Variants in ERG observed in about 807,000 individuals in gnomAD.
ERG encodes the protein transcriptional regulator ERG.
In ERG, 9 loss-of-function variants were observed where a neutral mutation model predicts 55.3. The ratio of observed to expected loss-of-function variants is 0.16; its 90% confidence interval spans 0.10 to 0.28. The LOEUF is 0.28. Among genes scored for constraint, ERG ranks in the 10% least tolerant of loss-of-function variants. The pLI, the probability that ERG is intolerant of heterozygous loss-of-function variation, is 1.00. For missense variants in ERG, 434 were observed against 631.6 expected (o/e 0.69, Z 3.35); for synonymous variants, 223 against 237.3 (o/e 0.94, Z 0.55).
At chr21:38,600,104 CA>C (rs1325405777) in intron 1 of ERG, among the ~76,000 whole-genome samples, 4 of 152,172 alleles carry the variant, frequency 2.6e-5, no homozygotes, top group African/African-American at 9.7e-5. Context: ...CAAGAGCGAG[CA>C]TATCAGATAG....
intron 1 of ERG, among the ~76,000 whole-genome samples, chr21:38,581,988 A>G (rs1446925968): frequency 6.9e-6 from 1 of 145,546 alleles, no homozygotes; most frequent in Non-Finnish European, 1.5e-5. Context: ...GGTTGCAGTG[A>G]GCCGAGATCG....
At chr21:38,484,496 T>C (rs1177284070) in intron 1 of ERG, among the ~76,000 whole-genome samples, 3 of 152,206 alleles carry the variant, frequency 2.0e-5, no homozygotes, top group African/African-American at 7.2e-5. Context: ...ATGAACGTCC[T>C]TCATTTCTCC....
At chr21:38,468,996 AAAAAAG>A (rs1208702022) in intron 1 of ERG, among the ~76,000 whole-genome samples, 19 of 69,256 alleles carry the variant, frequency 2.7e-4, no homozygotes, top group Non-Finnish European at 6.3e-4. Context: ...AAAAAAAAAA[AAAAAAG>A]AAAAAAAAAA....
intron 2 of ERG, among the ~76,000 whole-genome samples, chr21:38,429,715 A>G (rs964504208): frequency 3.0e-5 from 4 of 131,236 alleles, no homozygotes; most frequent in African/African-American, 1.3e-4. Flanking sequence ...GTGTGTGCAT[A>G]TATGTCTATA....
intron 1 of ERG, among the ~76,000 whole-genome samples, chr21:38,631,675 C>T (rs563110196): frequency 2.6e-5 from 4 of 152,076 alleles, no homozygotes; most frequent in Non-Finnish European, 2.9e-5. Context: ...ATTTCCGTAC[C>T]GTTTTCACCC....
intron 2 of ERG, among the ~76,000 whole-genome samples, chr21:38,428,072 C>T (rs1989918513): frequency 6.6e-6 from 1 of 151,392 alleles, no homozygotes; most frequent in Admixed American, 6.6e-5. Flanking sequence ...CCCAGCTACT[C>T]AGGAGGCTCA....
the ERG span, chr21:38,367,792 A>G: frequency 5.0e-6 from 2 of 399,446 alleles, no homozygotes; most frequent in African/African-American, 4.2e-5. Context: ...GAGGAAGCAA[A>G]CCTTCTGTGG....
Position 38,429,442 on chromosome 21 carries a change from C to T in ERG, c.237-5881G>A, listed in dbSNP as rs1406342252. Among the ~76,000 whole-genome samples, 2 of 60,106 alleles carry T rather than the reference C, an allele frequency of 3.3e-5. 1 individual carries two copies. The highest frequency in any genetic ancestry group is 8.8e-5 in the African/African-American group (2 of 22,836). 39.4% of individuals were successfully genotyped at this position (60,106 alleles called of 152,430 possible). On this transcript the variant is annotated intron_variant, in intron 2 of 9. Transcript: ENST00000288319. ...ATAAACATGTGTGTATACATGTATA[C>T]ACGTGTACACATGTACATATACACA...
At chr21:38,658,117 G>C (rs550842084) in intron 1 of ERG, among the ~76,000 whole-genome samples, 3 of 152,268 alleles carry the variant, frequency 2.0e-5, no homozygotes, top group Admixed American at 2.0e-4. Context: ...TTACACACTG[G>C]GGAAGGAAAA....
chr21:38,588,727 T>C (rs117814309), upstream of ERG, among the ~76,000 whole-genome samples: 2,201 of 152,226 alleles, frequency 0.014, 24 homozygotes, highest in Middle Eastern at 0.034. Context: ...TCTGTTTTTG[T>C]CTTTGTTTTG....
At position 38,382,311 on chromosome 21, in the gene ERG, G is replaced by T. The variant is rs1017548769; in HGVS notation, c.*1092C>A. Reference sequence around the variant, plus strand: ...GCGACTCAAAGGAAAACTGGAGGCCGCCTACCCAAAATGCCTGCGTGATTT... The same window carrying T: ...GCGACTCAAAGGAAAACTGGAGGCCTCCTACCCAAAATGCCTGCGTGATTT... On this transcript the variant is annotated 3_prime_UTR_variant, in exon 10 of 10. Coordinates refer to ENST00000288319, the MANE Select transcript of ERG (RefSeq NM_182918.4). The T allele has an allele frequency of 9.5e-7, 1 of 1,055,240 alleles. No homozygotes were observed. Among genetic ancestry groups the T allele is most frequent in the Non-Finnish European group, 1.1e-6 (1 of 872,776 alleles). The allele number at this position is 1,055,240 out of a possible 1,614,324, so 65.4% of individuals were successfully genotyped here.
At chr21:38,373,127 A>G in the ERG span, among the ~76,000 whole-genome samples, 1 of 152,190 alleles carries the variant, frequency 6.6e-6, no homozygotes, top group South Asian at 2.1e-4. Flanking sequence ...GAATCTGCAT[A>G]ACCAAGGCTT....
rs58270954 is a variant in ERG at position 38,428,395 on chromosome 21, C to T, written c.237-4834G>A. ...TCACACATCGCCGGGAAAAAGTTCC[C>T]GCAAACAGCTTGGTATGTCACCTGC... On this transcript the variant is annotated intron_variant, in intron 2 of 9. Coordinates refer to ENST00000288319, the MANE Select transcript of ERG (RefSeq NM_182918.4). 2.0e-3 allele frequency among the ~76,000 whole-genome samples: 298 copies of T among 152,238 alleles called. 1 individual carries two copies. In the East Asian group the frequency reaches 0.051, roughly 26 times the overall value.
At chr21:38,432,260 G>GT in intron 2 of ERG, among the ~76,000 whole-genome samples, 1 of 152,104 alleles carries the variant, frequency 6.6e-6, no homozygotes, top group Middle Eastern at 3.4e-3. Flanking sequence ...ACACCCAGCT[G>GT]TTTTTTAATT....
At chr21:38,421,988 G>A (rs568583004) in intron 3 of ERG, among the ~76,000 whole-genome samples, 2 of 152,332 alleles carry the variant, frequency 1.3e-5, no homozygotes, top group East Asian at 3.9e-4. Flanking sequence ...AAAGTGCTGG[G>A]ATTACAGGTG....
At chr21:38,585,722 T>A (rs1326188890), upstream of ERG, among the ~76,000 whole-genome samples, 2 of 152,000 alleles carry the variant, frequency 1.3e-5, no homozygotes, top group African/African-American at 4.8e-5. Flanking sequence ...AATCAATATT[T>A]GTAATGGGCA....
At chr21:38,389,448 C>T (rs1198793076) in intron 9 of ERG, among the ~76,000 whole-genome samples, 3 of 152,006 alleles carry the variant, frequency 2.0e-5, no homozygotes, top group Non-Finnish European at 4.4e-5. Flanking sequence ...AGTGTTTCAG[C>T]TTCCGTCATT....
intron 2 of ERG, among the ~76,000 whole-genome samples, chr21:38,516,406 C>T (rs969298363): frequency 2.0e-5 from 3 of 151,548 alleles, no homozygotes; most frequent in Non-Finnish European, 4.4e-5. Context: ...AAAAATTAAC[C>T]AAGGAAGCGA....
At chr21:38,519,852 C>A (rs1218818940) in intron 2 of ERG, among the ~76,000 whole-genome samples, 1 of 152,218 alleles carries the variant, frequency 6.6e-6, no homozygotes, top group Non-Finnish European at 1.5e-5. Flanking sequence ...GAGACCCTAA[C>A]CACACATGTA....
Sources: allele counts gnomAD v4.1 joint callset (sites outside exome capture counted in the v4.1 genomes callset), GRCh38; gene constraint gnomAD v4.1.1; transcripts MANE v1.5; gene names NCBI Gene and HGNC (gene_info 2026-07-23, HGNC 2026-07-21).